QRFPR: variants seen among roughly 807,000 people sequenced by gnomAD.
QRFPR encodes the protein pyroglutamylated RF-amide peptide receptor.
QRFPR carries 37 observed loss-of-function variants against 31.3 expected under a neutral mutation model. The ratio of observed to expected loss-of-function variants is 1.18; its 90% CI spans 0.91 to 1.56. The LOEUF is 1.56. Ranked by LOEUF, QRFPR falls within the 40% of genes most tolerant of loss-of-function variation. QRFPR has a pLI of 0.00. For synonymous variants in QRFPR, 197 were observed against 192.0 expected, an observed-to-expected ratio of 1.03 and a Z score of -0.22; for missense variants, 542 against 532.5, an observed-to-expected ratio of 1.02 and a Z score of -0.18.
At chr4:121,375,152 A>G (rs1219101036) in intron 1 of QRFPR, among the ~76,000 whole-genome samples, 3 of 152,162 alleles carry the variant, frequency 2.0e-5, no homozygotes, top group Non-Finnish European at 4.4e-5. Context: ...CCTCCTGGGA[A>G]GTGTTCAGAA....
intron 1 of QRFPR, among the ~76,000 whole-genome samples, chr4:121,378,657 T>C (rs967536165): frequency 6.6e-6 from 1 of 152,080 alleles, no homozygotes; most frequent in Non-Finnish European, 1.5e-5. Flanking sequence ...TCTCATGACC[T>C]CGTGATCCGC....
rs1174563894 is a variant in QRFPR, at chr4:121,372,462, G to A, written c.340+7846C>T. ...AATTTATGATTTTAGCCATTTTTAA[G>A]TGTATGATTCAGTGGCATTAATCAC... On this transcript the variant is annotated intron_variant, in intron 1 of 5. Transcript: ENST00000394427. Among the ~76,000 whole-genome samples, 6 of 152,212 alleles carry A rather than the reference G, an allele frequency of 3.9e-5. No individual in the cohort carries two copies. In the East Asian group the frequency reaches 1.2e-3, roughly 29 times the overall value.
Position 121,366,277 on chromosome 4 carries a change from G to T in QRFPR, c.340+14031C>A, listed in dbSNP as rs761141881. ...CATTTTACTTACTATAAAAAATTAA[G>T]ATTTTTTTTTAAAGGCTACAAATTC... On this transcript the variant is annotated intron_variant, in intron 1 of 5. Transcript: ENST00000394427. Among the ~76,000 whole-genome samples, 50 of 149,728 alleles carry T rather than the reference G, an allele frequency of 3.3e-4. 3 individuals are homozygous for T. Among genetic ancestry groups the T allele is most frequent in the South Asian group, 8.5e-4 (4 of 4,720 alleles).
At chr4:121,332,719 T>G in intron 4 of QRFPR, 102 bp downstream of exon 4, 1 of 836,920 alleles carries the variant, frequency 1.2e-6, no homozygotes, top group Middle Eastern at 3.3e-4. Context: ...CAAAGGATGC[T>G]TAGACTAAAT....
At chr4:121,359,559 T>C (rs747265593) in intron 1 of QRFPR, among the ~76,000 whole-genome samples, 2 of 152,082 alleles carry the variant, frequency 1.3e-5, no homozygotes, top group Non-Finnish European at 2.9e-5. Context: ...CTCTCCTTGC[T>C]CCTCAAGCTT....
intron 1 of QRFPR, among the ~76,000 whole-genome samples, chr4:121,355,465 C>G (rs1725849091): frequency 6.6e-6 from 1 of 151,994 alleles, no homozygotes; most frequent in Admixed American, 6.6e-5. Flanking sequence ...TTTTTTCAGT[C>G]AGATTAAAGG....
At chr4:121,370,607 T>A (rs1486338102) in intron 1 of QRFPR, among the ~76,000 whole-genome samples, 4 of 152,218 alleles carry the variant, frequency 2.6e-5, no homozygotes, top group Non-Finnish European at 5.9e-5. Context: ...ACCCAAGCCA[T>A]GGTGAGAGTG....
intron 1 of QRFPR, among the ~76,000 whole-genome samples, chr4:121,357,775 C>T (rs560177172): frequency 4.6e-4 from 70 of 152,280 alleles, no homozygotes; most frequent in African/African-American, 1.6e-3. Context: ...ACCAAATAGG[C>T]CAGAGAATGG....
chr4:121,380,213 G>GAGAGAGAC (rs2110488344), intron 1 of QRFPR, 95 bp downstream of exon 1: 1 of 603,330 alleles, frequency 1.7e-6, no homozygotes, highest in South Asian at 2.2e-5. Flanking sequence ...GAGAGAGAGA[G>GAGAGAGAC]AGAGAGAGAG....
chr4:121,331,841 C>T (rs959986615), intron 4 of QRFPR, among the ~76,000 whole-genome samples: 16 of 151,932 alleles, frequency 1.1e-4, no homozygotes, highest in African/African-American at 3.4e-4. Flanking sequence ...TTAGTAGAGA[C>T]AGAGTTTCAC....
intron 1 of QRFPR, among the ~76,000 whole-genome samples, chr4:121,359,812 T>G (rs1272152995): frequency 6.6e-6 from 1 of 151,646 alleles, no homozygotes; most frequent in African/African-American, 2.4e-5. Flanking sequence ...TGTATGTGTG[T>G]GTGTGTATAT....
intron 3 of QRFPR, among the ~76,000 whole-genome samples, chr4:121,335,594 G>T (rs1725420566): frequency 7.6e-6 from 1 of 130,812 alleles, no homozygotes; most frequent in East Asian, 3.5e-4. Context: ...GTGGGGCGGG[G>T]AGAGGAGTGG....
At chr4:121,352,385 A>G (rs984034307) in intron 1 of QRFPR, among the ~76,000 whole-genome samples, 2 of 152,030 alleles carry the variant, frequency 1.3e-5, no homozygotes, top group African/African-American at 4.8e-5. Flanking sequence ...TGACTGCAGT[A>G]TCTCCAAGCA....
intron 1 of QRFPR, among the ~76,000 whole-genome samples, chr4:121,348,724 C>A (rs1230778904): frequency 6.6e-6 from 1 of 152,122 alleles, no homozygotes; most frequent in African/African-American, 2.4e-5. Flanking sequence ...ATGTTGAAGA[C>A]CTTACTTTAT....
At position 121,380,312 on chromosome 4, in the gene QRFPR, C is replaced by CA; in HGVS notation, c.335dup (p.Ala115CysfsTer38). Reference sequence around the variant, plus strand: ...GGAGCGGGGCGCGACTCTTACCCCCCAGCCAGTTGTCGGAAATGTTCTGGA... The same window carrying CA: ...GGAGCGGGGCGCGACTCTTACCCCCCAAGCCAGTTGTCGGAAATGTTCTGGA... On this transcript the variant is annotated frameshift_variant, in exon 1 of 6. Coordinates refer to ENST00000394427, the MANE Select transcript of QRFPR (RefSeq NM_198179.3). LOFTEE classifies it high-confidence loss of function. 6.2e-7 allele frequency: 1 copy of CA among 1,611,384 alleles called. No homozygotes were observed. The highest frequency in any genetic ancestry group is 1.3e-5 in the African/African-American group (1 of 74,820).
intron 1 of QRFPR, 86 bp downstream of exon 1, chr4:121,380,197 GAGAGAGAGAGAGAGAGAGAGAGAGA>G (rs1726452329): frequency 2.7e-5 from 12 of 440,504 alleles, no homozygotes; most frequent in Middle Eastern, 9.2e-4. Flanking sequence ...GAGAGAGAGA[GAGAGAGAGAGAGAGAGAGAGAGAGA>G]GAGAGAGAGA....
intron 1 of QRFPR, among the ~76,000 whole-genome samples, chr4:121,363,818 T>C (rs1726034307): frequency 6.7e-6 from 1 of 150,070 alleles, no homozygotes; most frequent in Non-Finnish European, 1.5e-5. Flanking sequence ...AATATTTCCC[T>C]GTACTGGCCA....
In QRFPR at chr4:121,366,269, A is replaced by C. The variant is rs139442684; in HGVS notation, c.340+14039T>G. On this transcript the variant is annotated intron_variant, in intron 1 of 5. Coordinates refer to ENST00000394427, the MANE Select transcript of QRFPR (RefSeq NM_198179.3). ...AGCTTGGGCATTTTACTTACTATAA[A>C]AAATTAAGATTTTTTTTTAAAGGCT... Among the ~76,000 whole-genome samples, 367 of 150,038 alleles carry C rather than the reference A, an allele frequency of 2.4e-3. 29 individuals are homozygous for C. The highest frequency in any genetic ancestry group is 8.6e-3 in the African/African-American group (348 of 40,582).
intron 1 of QRFPR, among the ~76,000 whole-genome samples, chr4:121,364,905 T>C (rs1238823741): frequency 6.7e-6 from 1 of 149,338 alleles, no homozygotes; most frequent in Non-Finnish European, 1.5e-5. Context: ...AATAAGCAGG[T>C]CTTTGTTTAC....
Sources: gnomAD v4.1 joint callset for allele counts (sites outside exome capture counted in the v4.1 genomes callset) on GRCh38, gnomAD v4.1.1 for gene constraint, MANE v1.5 for transcripts, NCBI Gene and HGNC (gene_info 2026-07-23, HGNC 2026-07-21) for gene names.